The following RASSF8 variants were observed in gnomAD, a reference collection of about 807,000 sequenced individuals.
RASSF8 encodes Ras association domain family member 8.
RASSF8 carries 22 observed loss-of-function variants against 48.5 expected under a neutral mutation model. That is an observed-to-expected ratio of 0.45 (90% CI 0.32 to 0.65). RASSF8 has a LOEUF of 0.65. Among genes scored for constraint, RASSF8 ranks in the 30% least tolerant of loss-of-function variants. The pLI, the probability that RASSF8 is intolerant of heterozygous loss-of-function variation, is 0.03. For synonymous variants in RASSF8, 127 were observed against 171.5 expected, an observed-to-expected ratio of 0.74 and a Z score of 2.03; for missense variants, 418 against 489.2, an observed-to-expected ratio of 0.85 and a Z score of 1.37.
chr12:25,972,650 A>G (rs73077109), intron 1 of RASSF8, among the ~76,000 whole-genome samples: 15,013 of 152,278 alleles, frequency 0.099, 795 homozygotes, highest in Middle Eastern at 0.15. Flanking sequence ...GAAGGTGATA[A>G]GAATTTTTGT....
Position 26,071,067 on chromosome 12 carries a change from C to A in RASSF8, c.*2249C>A, listed in dbSNP as rs1475601672. ...CCTAATTACAGATTTAAAAAAATTT[C>A]CTAGGCGACGAAAGTATAGAAATGT... On this transcript the variant is annotated 3_prime_UTR_variant, in exon 6 of 6. Transcript: ENST00000689635. The A allele has an allele frequency of 5.1e-6, 5 of 982,438 alleles. No homozygotes were observed. Among genetic ancestry groups the A allele is most frequent in the Non-Finnish European group, 6.0e-6 (5 of 827,404 alleles). The allele number at this position is 982,438 out of a possible 1,614,324, so 60.9% of individuals were successfully genotyped here.
At chr12:26,054,696 A>AG (rs1271697637) in intron 2 of RASSF8, among the ~76,000 whole-genome samples, 1 of 152,120 alleles carries the variant, frequency 6.6e-6, no homozygotes, top group Non-Finnish European at 1.5e-5. Context: ...TGAAATAATA[A>AG]GGGAAAAAAA....
intron 2 of RASSF8, among the ~76,000 whole-genome samples, chr12:25,999,878 C>G (rs1021642949): frequency 6.6e-6 from 1 of 152,106 alleles, no homozygotes; most frequent in East Asian, 1.9e-4. Context: ...GGATTAAACT[C>G]GGTAAGAAAT....
chr12:26,037,622 G>C (rs1943180596), intron 2 of RASSF8, among the ~76,000 whole-genome samples: 1 of 152,042 alleles, frequency 6.6e-6, no homozygotes, highest in Admixed American at 6.6e-5. Flanking sequence ...CAATGAGATT[G>C]GCATAGAAAC....
intron 1 of RASSF8, among the ~76,000 whole-genome samples, chr12:25,986,859 A>G (rs1172627110): frequency 1.3e-5 from 2 of 151,210 alleles, no homozygotes; most frequent in Non-Finnish European, 2.9e-5. Flanking sequence ...ATTCGTACAC[A>G]CTGTCACTTG....
chr12:26,061,333 T>A lies in RASSF8; in HGVS notation c.104-3165T>A, dbSNP rs181161297. On this transcript the variant is annotated intron_variant, in intron 3 of 5. Coordinates refer to ENST00000689635, the MANE Select transcript of RASSF8 (RefSeq NM_001394098.1). ...AGTAAGCTGTTATCCTGTTTTCTTT[T>A]AATTTATGTCAATCAGTCATTCAAT... 5.3e-5 allele frequency among the ~76,000 whole-genome samples: 8 copies of A among 152,306 alleles called. No individual in the cohort carries two copies. The East Asian group carries it at 1.5e-3, about 29-fold the overall frequency.
At chr12:25,963,323 A>G (rs1256420946) in intron 1 of RASSF8, among the ~76,000 whole-genome samples, 1 of 46,166 alleles carries the variant, frequency 2.2e-5, no homozygotes, top group Non-Finnish European at 5.1e-5. Context: ...GTTTTAGCCA[A>G]AAAAAAAAAA....
At chr12:26,033,276 T>G (rs1351885500) in intron 2 of RASSF8, among the ~76,000 whole-genome samples, 2 of 152,118 alleles carry the variant, frequency 1.3e-5, no homozygotes, top group East Asian at 3.8e-4. Flanking sequence ...GCAAAAGAAT[T>G]TGGTATTTTC....
chr12:26,073,849 C>CACACACACACATAT (rs35014279), downstream of RASSF8, among the ~76,000 whole-genome samples: 2,605 of 144,132 alleles, frequency 0.018, 51 homozygotes, highest in Middle Eastern at 0.079. Context: ...CACACACACA[C>CACACACACACATAT]ATATATATAT....
At chr12:26,009,973 ATTC>A (rs1259156188) in intron 2 of RASSF8, among the ~76,000 whole-genome samples, 2 of 152,262 alleles carry the variant, frequency 1.3e-5, no homozygotes, top group Non-Finnish European at 2.9e-5. Context: ...ATAGCCATTT[ATTC>A]TTTGATTGAA....
chr12:26,016,803 A>G lies in RASSF8; in HGVS notation c.-109+21673A>G, dbSNP rs80136228. On this transcript the variant is annotated intron_variant, in intron 2 of 5. Transcript: ENST00000689635. ...CATCTATCCTGTTGAATAGTTGTTT[A>G]TTTTTGTGATTTTCTACTCACATTA... Among the ~76,000 whole-genome samples, 1,159 of 152,152 alleles carry G rather than the reference A, an allele frequency of 7.6e-3. 23 individuals carry two copies. The East Asian group carries it at 0.082, about 11-fold the overall frequency.
chr12:26,016,574 T>C (rs2137044901), intron 2 of RASSF8, among the ~76,000 whole-genome samples: 1 of 152,288 alleles, frequency 6.6e-6, no homozygotes, highest in South Asian at 2.1e-4. Context: ...GCTTTATAAA[T>C]TGCAGATTTT....
intron 2 of RASSF8, among the ~76,000 whole-genome samples, chr12:26,007,417 G>T (rs879570559): frequency 6.6e-6 from 1 of 152,176 alleles, no homozygotes; most frequent in Non-Finnish European, 1.5e-5. Context: ...CTAGACTTGA[G>T]GCTTACAGCA....
rs561857846 is a variant in RASSF8, at chr12:26,055,938, C to G, written c.103+492C>G. Among the ~76,000 whole-genome samples the G allele has an allele frequency of 3.3e-5, 5 of 152,290 alleles. No homozygotes were observed. The East Asian group carries it at 9.6e-4, about 29-fold the overall frequency. Reference sequence around the variant, plus strand: ...TGGTGGCTCACGCCTGTAATCCCAGCACTTTGGGAGGCTGAGGCAGGCAGA... The same window carrying G: ...TGGTGGCTCACGCCTGTAATCCCAGGACTTTGGGAGGCTGAGGCAGGCAGA... On this transcript the variant is annotated intron_variant, in intron 3 of 5. Coordinates refer to ENST00000689635, the MANE Select transcript of RASSF8 (RefSeq NM_001394098.1).
intron 2 of RASSF8, among the ~76,000 whole-genome samples, chr12:26,050,202 A>G (rs1444052065): frequency 6.6e-6 from 1 of 152,230 alleles, no homozygotes; most frequent in Non-Finnish European, 1.5e-5. Flanking sequence ...AATTTCTAAT[A>G]TCTGCTTACA....
intron 3 of RASSF8, among the ~76,000 whole-genome samples, chr12:26,063,749 TAGA>T (rs112964003): frequency 1.3e-5 from 2 of 150,748 alleles, no homozygotes; most frequent in African/African-American, 2.4e-5. Flanking sequence ...TTTTTTTTTT[TAGA>T]AGAAGAATCT....
chr12:26,016,706 C>A (rs949950180), intron 2 of RASSF8, among the ~76,000 whole-genome samples: 1 of 152,176 alleles, frequency 6.6e-6, no homozygotes, highest in African/African-American at 2.4e-5. Flanking sequence ...CAGTTATCCA[C>A]GTCAGTCCAT....
intron 2 of RASSF8, among the ~76,000 whole-genome samples, chr12:26,024,575 A>C (rs556565189): frequency 2.6e-5 from 4 of 152,312 alleles, no homozygotes; most frequent in Admixed American, 2.0e-4. Context: ...AACACTTGCA[A>C]ACTAAATTTA....
chr12:25,978,982 A>G (rs706537), intron 1 of RASSF8, among the ~76,000 whole-genome samples: 2,284 of 152,310 alleles, frequency 0.015, 71 homozygotes, highest in African/African-American at 0.052. Flanking sequence ...ACTTCATGCT[A>G]GTTAAATGTA....
Sources: gnomAD v4.1 joint callset for allele counts (sites outside exome capture counted in the v4.1 genomes callset) on GRCh38, gnomAD v4.1.1 for gene constraint, MANE v1.5 for transcripts, NCBI Gene and HGNC (gene_info 2026-07-23, HGNC 2026-07-21) for gene names.